PKD1L1: variants seen among roughly 807,000 people sequenced by gnomAD.
PKD1L1 encodes polycystin-1-like protein 1.
PKD1L1 carries 236 observed loss-of-function variants against 323.4 expected under a neutral mutation model. The ratio of observed to expected loss-of-function variants is 0.73; its 90% CI spans 0.66 to 0.81. The LOEUF is 0.81. PKD1L1 is among the 40% of genes least tolerant of loss of function. PKD1L1 has a pLI of 0.00. For synonymous variants in PKD1L1, 1,344 were observed against 1,335.0 expected, an observed-to-expected ratio of 1.01 and a Z score of -0.15; for missense variants, 3,320 against 3,508.0, an observed-to-expected ratio of 0.95 and a Z score of 1.35.
At chr7:47,854,771 C>T (rs1403116993) in intron 30 of PKD1L1, 111 bp downstream of exon 30, 10 of 1,293,780 alleles carry the variant, frequency 7.7e-6, no homozygotes, top group Non-Finnish European at 1.1e-5. Flanking sequence ...AACAATGAGC[C>T]TCATTATTGC....
chr7:47,940,863 G>A (rs543384451), intron 2 of PKD1L1, among the ~76,000 whole-genome samples: 5 of 152,178 alleles, frequency 3.3e-5, no homozygotes, highest in Admixed American at 6.5e-5. Context: ...GTGTCCACCC[G>A]GCTGGGAGGC....
intron 56 of PKD1L1, among the ~76,000 whole-genome samples, chr7:47,781,017 TC>T (rs1482726416): frequency 6.6e-6 from 1 of 152,232 alleles, no homozygotes; most frequent in Admixed American, 6.5e-5. Context: ...TACATTCCCA[TC>T]AGTAATGTAT....
chr7:47,936,101 C>T (rs1787862194), intron 4 of PKD1L1, among the ~76,000 whole-genome samples: 1 of 152,166 alleles, frequency 6.6e-6, no homozygotes, highest in Non-Finnish European at 1.5e-5. Flanking sequence ...AGAAGGCCAA[C>T]TATTTTTTAA....
intron 45 of PKD1L1, among the ~76,000 whole-genome samples, chr7:47,824,638 C>T (rs2128733448): frequency 6.6e-6 from 1 of 152,226 alleles, no homozygotes; most frequent in Non-Finnish European, 1.5e-5. Context: ...TTGCCTTTCC[C>T]TTGTTTTATT....
At chr7:47,810,047 T>C (rs1784861450) in intron 50 of PKD1L1, among the ~76,000 whole-genome samples, 1 of 152,258 alleles carries the variant, frequency 6.6e-6, no homozygotes, top group Non-Finnish European at 1.5e-5. Flanking sequence ...AAGTTCTCTA[T>C]GTGATTCTCT....
intron 19 of PKD1L1, among the ~76,000 whole-genome samples, chr7:47,882,735 G>A (rs944374020): frequency 2.0e-5 from 3 of 152,170 alleles, no homozygotes; most frequent in Non-Finnish European, 4.4e-5. Context: ...TGGAGGCATT[G>A]CCAGGGTCAC....
intron 14 of PKD1L1, among the ~76,000 whole-genome samples, chr7:47,894,615 C>T (rs1023808764): frequency 2.6e-5 from 4 of 152,196 alleles, no homozygotes; most frequent in African/African-American, 7.2e-5. Context: ...CTTTGGGAGG[C>T]TGAGGTGGGT....
At chr7:47,874,565 C>A (rs1317487152) in intron 23 of PKD1L1, among the ~76,000 whole-genome samples, 3 of 152,168 alleles carry the variant, frequency 2.0e-5, no homozygotes, top group African/African-American at 7.2e-5. Context: ...ACACTTGCAG[C>A]CCAAGCGCCA....
intron 28 of PKD1L1, among the ~76,000 whole-genome samples, chr7:47,856,990 G>A (rs1004100318): frequency 1.3e-5 from 2 of 152,178 alleles, no homozygotes; most frequent in African/African-American, 2.4e-5. Flanking sequence ...AAGCTTCCGA[G>A]TGAATGTCTA....
intron 24 of PKD1L1, among the ~76,000 whole-genome samples, chr7:47,869,604 A>G (rs528530086): frequency 1.6e-4 from 25 of 152,334 alleles, no homozygotes; most frequent in African/African-American, 5.8e-4. Context: ...GGTTCCATAT[A>G]CATGAGCAAT....
At chr7:47,927,993 C>T (rs1056825955) in intron 7 of PKD1L1, among the ~76,000 whole-genome samples, 4 of 152,166 alleles carry the variant, frequency 2.6e-5, no homozygotes, top group Admixed American at 6.5e-5. Flanking sequence ...AGCAACCACA[C>T]CAAAAGCCAG....
chr7:47,836,709 C>G (rs1050665514), intron 37 of PKD1L1, among the ~76,000 whole-genome samples: 1 of 152,260 alleles, frequency 6.6e-6, no homozygotes. Context: ...AGCTGTCCAC[C>G]GAGCCAGCAG....
chr7:47,875,873 T>C (rs968247228), intron 23 of PKD1L1, among the ~76,000 whole-genome samples: 5 of 152,360 alleles, frequency 3.3e-5, no homozygotes, highest in Non-Finnish European at 7.3e-5. Flanking sequence ...TCATTTACAG[T>C]GTATTTCAGT....
chr7:47,884,655 A>C lies in PKD1L1; in HGVS notation c.3208T>G (p.Phe1070Val). ...TGAATGTCACTGTAATAGGCTTCAA[A>C]ATCTATAAGAAAGGACAAAATCATA... The part of the protein sequence containing the change: ...THSPDPHLSD[F>V]EAYYSDIQEA... The change falls in exon 19 of 57, where the codon TTT (phenylalanine) becomes GTT (valine). Residue 1070 changes from phenylalanine to valine, a missense_variant and splice_region_variant. Coordinates refer to ENST00000289672, the MANE Select transcript of PKD1L1 (RefSeq NM_138295.5). The C allele has an allele frequency of 6.2e-7, 1 of 1,612,522 alleles. No individual in the cohort carries two copies. Among genetic ancestry groups the C allele is most frequent in the Non-Finnish European group, 8.5e-7 (1 of 1,178,506 alleles).
chr7:47,914,243 A>G (rs955845793), intron 8 of PKD1L1, among the ~76,000 whole-genome samples: 7 of 152,248 alleles, frequency 4.6e-5, no homozygotes, highest in African/African-American at 1.7e-4. Flanking sequence ...ATTTAATGAA[A>G]TGTATTTTAA....
At chr7:47,887,903 A>T in intron 17 of PKD1L1, 87 bp downstream of exon 17, 1 of 1,349,532 alleles carries the variant, frequency 7.4e-7, no homozygotes, top group Non-Finnish European at 1.0e-6. Context: ...GGGTCATACC[A>T]AATGTATTTT....
chr7:47,808,237 C>G lies in PKD1L1; in HGVS notation c.7827+10G>C, dbSNP rs765332753. 6.2e-7 allele frequency: 1 copy of G among 1,614,046 alleles called. No individual in the cohort carries two copies. Among genetic ancestry groups the G allele is most frequent in the Non-Finnish European group, 8.5e-7 (1 of 1,179,958 alleles). On this transcript the variant is annotated intron_variant, in intron 52 of 56. Transcript: ENST00000289672. ...GCCTCTATCTGCATGGCCCTGAGCACACCGTGTACCTGATTCCATGATGCC... is the reference window on the plus strand; with the variant it reads ...GCCTCTATCTGCATGGCCCTGAGCAGACCGTGTACCTGATTCCATGATGCC...
At position 47,840,596 on chromosome 7, in the gene PKD1L1, C is replaced by CA. The variant is rs1785546627; in HGVS notation, c.5446-30dup. 1.3e-6 allele frequency: 2 copies of CA among 1,540,512 alleles called. No homozygotes were observed. Among genetic ancestry groups the CA allele is most frequent in the Non-Finnish European group, 1.8e-6 (2 of 1,114,486 alleles). On this transcript the variant is annotated intron_variant, in intron 34 of 56. Transcript: ENST00000289672. This position sits in a 1 kb window ranked among gnomAD's most constrained non-coding sequence, Gnocchi z 4.1. ...AAAACAAAGAACAGGGGTGGGAACT[C>CA]AGGCTATTTCACAGCAGACACCATG...
chr7:47,879,448 A>G (rs969734770), intron 21 of PKD1L1, among the ~76,000 whole-genome samples: 2 of 152,030 alleles, frequency 1.3e-5, no homozygotes, highest in Non-Finnish European at 1.5e-5. Context: ...CCTGGCCAAC[A>G]TGGTGAAACC....
Sources: allele counts gnomAD v4.1 joint callset (sites outside exome capture counted in the v4.1 genomes callset), GRCh38; gene constraint gnomAD v4.1.1; non-coding constraint Gnocchi (gnomAD v3.1); transcripts MANE v1.5; gene names NCBI Gene and HGNC (gene_info 2026-07-23, HGNC 2026-07-21).